Variants in CACTIN observed in about 807,000 individuals in gnomAD.
The protein encoded by CACTIN is splicing factor Cactin.
Under a neutral mutation model 84.9 loss-of-function variants are expected in CACTIN, and 20 were observed. That is an observed-to-expected ratio of 0.24 (90% CI 0.17 to 0.34). The LOEUF (loss-of-function observed/expected upper bound fraction) is 0.34, where lower values mean the gene tolerates loss of function less well. Among genes scored for constraint, CACTIN ranks in the 10% least tolerant of loss-of-function variants. The probability of loss-of-function intolerance (pLI) is 1.00; values close to 1 mark genes in which losing one functional copy is unlikely to be tolerated. For synonymous variants in CACTIN, 549 were observed against 467.9 expected (o/e 1.17, Z -2.24); for missense variants, 897 against 1,117.2 (o/e 0.80, Z 2.81).
At position 3,610,758 on chromosome 19, in the gene CACTIN, G is replaced by C. The variant is rs201281300; in HGVS notation, c.*1165C>G. ...ACAAGTCTTTTTAGAGAAACAAACGGAACTATTTCCAGATGAGGCGGGGTG... is the reference window on the plus strand; with the variant it reads ...ACAAGTCTTTTTAGAGAAACAAACGCAACTATTTCCAGATGAGGCGGGGTG... On this transcript the variant is annotated 3_prime_UTR_variant, in exon 10 of 10. Coordinates refer to ENST00000429344, the MANE Select transcript of CACTIN (RefSeq NM_001080543.2). 2.6e-5 allele frequency: 12 copies of C among 456,948 alleles called. No individual in the cohort carries two copies. The East Asian group carries it at 4.2e-4, about 16-fold the overall frequency. 28.3% of individuals were successfully genotyped at this position (456,948 alleles called of 1,614,324 possible).
rs1433832671 is a variant in CACTIN, at chr19:3,610,914, C to G, written c.*1009G>C. On this transcript the variant is annotated 3_prime_UTR_variant, in exon 10 of 10. Transcript: ENST00000429344. ...CGTCGGATGCTGAAGAACAAGCCTG[C>G]CGGCTGGGCCACTCCGACCTGGGCT... The G allele has an allele frequency of 2.2e-6, 1 of 456,648 alleles. No individual in the cohort carries two copies. Among genetic ancestry groups the G allele is most frequent in the South Asian group, 1.5e-5 (1 of 64,576 alleles). 28.3% of individuals were successfully genotyped at this position (456,648 alleles called of 1,614,324 possible).
intron 2 of CACTIN, among the ~76,000 whole-genome samples, chr19:3,621,318 G>T (rs2033220547): frequency 6.6e-6 from 1 of 152,206 alleles, no homozygotes; most frequent in Admixed American, 6.5e-5. Context: ...CGGGGCACAG[G>T]GGTGGCCACT....
rs759838454 is a variant in CACTIN, at chr19:3,620,109, G to C, written c.884+18C>G. The C allele has an allele frequency of 1.9e-6, 3 of 1,608,008 alleles. No individual in the cohort carries two copies. The highest frequency in any genetic ancestry group is 1.3e-5 in the African/African-American group (1 of 74,888). On this transcript the variant is annotated intron_variant, in intron 4 of 9. Coordinates refer to ENST00000429344, the MANE Select transcript of CACTIN (RefSeq NM_001080543.2). Reference sequence around the variant, plus strand: ...GGCTCCAAGTCTGGGTCGGAGGGAGGGGGAGGCCCCAGCGCACCGCAGCTT... The same window carrying C: ...GGCTCCAAGTCTGGGTCGGAGGGAGCGGGAGGCCCCAGCGCACCGCAGCTT...
Position 3,612,278 on chromosome 19 carries a change from C to T in CACTIN, c.1922G>A (p.Arg641His), listed in dbSNP as rs1568290119. ...CACGCGGTTGAAGAAGCGCGGCTTG[C>T]GTGGCCGGTACTTGTCGGCCCACAG... ...AYLWADKYRPRKPRFFNRVHT... is the reference protein window; with the variant it reads ...AYLWADKYRPHKPRFFNRVHT... The change falls in exon 10 of 10, where the codon CGC becomes CAC. Residue 641 changes from arginine to histidine, a missense_variant. Transcript: ENST00000429344. 2 of 1,613,066 alleles carry T rather than the reference C, an allele frequency of 1.2e-6. No homozygotes were observed. The highest frequency in any genetic ancestry group is 1.7e-6 in the Non-Finnish European group (2 of 1,179,898).
In CACTIN at chr19:3,611,344, G is replaced by A. The variant is rs2032944835; in HGVS notation, c.*579C>T. On this transcript the variant is annotated 3_prime_UTR_variant, in exon 10 of 10. Coordinates refer to ENST00000429344, the MANE Select transcript of CACTIN (RefSeq NM_001080543.2). ...TGCAGTGGCGGATCGGGCGCCAGCA[G>A]GGTCCCGGCCTCAGTGCTGCCTGTG... 1 of 453,680 alleles carries A rather than the reference G, an allele frequency of 2.2e-6. No individual in the cohort carries two copies. Among genetic ancestry groups the A allele is most frequent in the African/African-American group, 2.0e-5 (1 of 49,948 alleles). The allele number at this position is 453,680 out of a possible 1,614,324, so 28.1% of individuals were successfully genotyped here. A position where few individuals can be genotyped will look rare whatever the true frequency, so the allele number is the denominator to read the frequency against.
intron 2 of CACTIN, among the ~76,000 whole-genome samples, chr19:3,622,408 G>GT (rs1371567995): frequency 2.6e-5 from 4 of 151,702 alleles, no homozygotes; most frequent in Non-Finnish European, 4.4e-5. Context: ...GCAGACGTAG[G>GT]TAAGATGAGG....
In CACTIN at chr19:3,611,709, C is replaced by T. The variant is rs1301492081; in HGVS notation, c.*214G>A. ...GCATCAGGACCCTAGGCCAGCCTGT[C>T]CCAGTGTCTCCTCAGCTCACCATGG... On this transcript the variant is annotated 3_prime_UTR_variant, in exon 10 of 10. Transcript: ENST00000429344. 3.0e-6 allele frequency: 2 copies of T among 662,262 alleles called. No homozygotes were observed. 41.0% of individuals were successfully genotyped at this position (662,262 alleles called of 1,614,324 possible). A position where few individuals can be genotyped will look rare whatever the true frequency, so the allele number is the denominator to read the frequency against.
In CACTIN at chr19:3,613,575, C is replaced by T. The variant is rs1330496380; in HGVS notation, c.1367G>A (p.Arg456His). The T allele has an allele frequency of 1.9e-6, 3 of 1,601,050 alleles. No homozygotes were observed. Among genetic ancestry groups the T allele is most frequent in the Non-Finnish European group, 1.7e-6 (2 of 1,178,630 alleles). Residue 456 changes from arginine to histidine, a missense_variant, in exon 8 of 10, where the codon CGC becomes CAC. Physicochemically the swap from Arg to His is conservative, Grantham distance 29. Around this residue, in one of 8 missense-constraint regions of CACTIN, gnomAD observed 304 missense variants for 444.3 expected, o/e 0.68. Coordinates refer to ENST00000429344, the MANE Select transcript of CACTIN (RefSeq NM_001080543.2). ...AHMARARLRE[R>H]HQDVLRQKLY... ...CTTCTGCCGCAGCACGTCCTGGTGG[C>T]GCTCACGCAGCCTGGGACGCAGAGC...
In CACTIN at chr19:3,626,755, C is replaced by T. The variant is rs868054668; in HGVS notation, c.8G>A (p.Arg3Gln). ...GGACCGCGAGCGCGAGCGTGTGTCC[C>T]GACCCATCGGCTGGGCCAGTGGCCG... is the stretch of plus-strand genomic sequence containing the variant. Reference protein sequence around the residue: MGRDTRSRSRSAG... With the variant: MGQDTRSRSRSAG... The change falls in exon 1 of 10, where the codon CGG becomes CAG. Residue 3 changes from arginine (R) to glutamine (Q), a missense_variant. Arg to Gln is a conservative substitution (Grantham distance 43, BLOSUM62 1). Around this residue, in one of 8 missense-constraint regions of CACTIN, gnomAD observed 261 missense variants for 243.8 expected, o/e 1.07. Transcript: ENST00000429344. 2 of 1,445,218 alleles carry T rather than the reference C, an allele frequency of 1.4e-6. No individual in the cohort carries two copies. Among genetic ancestry groups the T allele is most frequent in the Non-Finnish European group, 1.8e-6 (2 of 1,102,738 alleles). 89.5% of individuals were successfully genotyped at this position (1,445,218 alleles called of 1,614,324 possible).
At chr19:3,614,746 G>T in intron 6 of CACTIN, 157 bp from the exon 7 acceptor site, 1 of 654,986 alleles carries the variant, frequency 1.5e-6, no homozygotes, top group Non-Finnish European at 2.7e-6. Context: ...GTCTCAGGTT[G>T]TCCCCACCCT....
Position 3,613,514 on chromosome 19 carries a change from G to A in CACTIN, c.1428C>T (p.Ser476=). Residue 476 remains serine, a synonymous_variant, in exon 8 of 10, where the codon AGC becomes AGT. Transcript: ENST00000429344. ...YKLKQEQGVE[S]EPLFPILKQE... is the part of the protein sequence containing the mutation. ...GCTTGAGGATGGGGAACAGCGGCTC[G>A]CTCTCCACGCCCTGCTCCTGCTTCA... 1 of 1,585,660 alleles carries A rather than the reference G, an allele frequency of 6.3e-7. No individual in the cohort carries two copies.
rs1334315028 is a variant in CACTIN, at chr19:3,611,813, G to A, written c.*110C>T. 5 of 1,372,610 alleles carry A rather than the reference G, an allele frequency of 3.6e-6. No homozygotes were observed. The highest frequency in any genetic ancestry group is 2.0e-5 in the Admixed American group (1 of 50,940). 85.0% of individuals were successfully genotyped at this position (1,372,610 alleles called of 1,614,324 possible). A position where few individuals can be genotyped will look rare whatever the true frequency, so the allele number is the denominator to read the frequency against. ...AGAAAGATGCGGCCTGAGGTGGGAC[G>A]TGAACCCGCGGCCCTGCAGCCCAGA... On this transcript the variant is annotated 3_prime_UTR_variant, in exon 10 of 10. Coordinates refer to ENST00000429344, the MANE Select transcript of CACTIN (RefSeq NM_001080543.2).
chr19:3,621,534 G>A (rs535010376), intron 2 of CACTIN, among the ~76,000 whole-genome samples: 3 of 152,304 alleles, frequency 2.0e-5, no homozygotes, highest in South Asian at 2.1e-4. Flanking sequence ...CCAGACACCC[G>A]GGCCACTCTG....
rs1186167329 is a variant in CACTIN at position 3,626,731 on chromosome 19, G to C, written c.32C>G (p.Ser11Cys). 1 of 1,492,026 alleles carries C rather than the reference G, an allele frequency of 6.7e-7. No homozygotes were observed. The highest frequency in any genetic ancestry group is 1.5e-5 in the African/African-American group (1 of 68,822). The allele number at this position is 1,492,026 out of a possible 1,614,324, so 92.4% of individuals were successfully genotyped here. MGRDTRSRSR[S>C]AGRRGRRRQS... Reference sequence around the variant, plus strand: ...CCGCCTTCGGCCCCGGCGACCCGCGGACCGCGAGCGCGAGCGTGTGTCCCG... The same window carrying C: ...CCGCCTTCGGCCCCGGCGACCCGCGCACCGCGAGCGCGAGCGTGTGTCCCG... The change falls in exon 1 of 10, where the codon TCC becomes TGC. Residue 11 changes from serine (S) to cysteine (C), a missense_variant. By Grantham distance (112) the Ser-to-Cys change is moderately radical (BLOSUM62 -1). Coordinates refer to ENST00000429344, the MANE Select transcript of CACTIN (RefSeq NM_001080543.2).
At chr19:3,612,781 T>C in intron 9 of CACTIN, 2 of 701,364 alleles carry the variant, frequency 2.9e-6, no homozygotes, top group Non-Finnish European at 5.2e-6. Flanking sequence ...CTCCTCTGTC[T>C]TAGGACGGAG....
At chr19:3,621,001 G>A (rs2033212411) in intron 2 of CACTIN, 199 bp from the exon 3 acceptor site, 2 of 688,800 alleles carry the variant, frequency 2.9e-6, no homozygotes, top group Admixed American at 2.0e-5. Context: ...AGCCCCCACT[G>A]GGAGTGAGAT....
At chr19:3,626,446 A>C in intron 1 of CACTIN, 150 bp downstream of exon 1, 1 of 944,426 alleles carries the variant, frequency 1.1e-6, no homozygotes, top group Non-Finnish European at 1.4e-6. Flanking sequence ...CTGCCAGGTT[A>C]ATTCCAACCG....
rs764421225 is a variant in CACTIN at position 3,613,083 on chromosome 19, G to A, written c.1761C>T (p.Leu587=). 52 of 1,584,004 alleles carry A rather than the reference G, an allele frequency of 3.3e-5. No homozygotes were observed. The highest frequency in any genetic ancestry group is 3.8e-5 in the Non-Finnish European group (44 of 1,170,276). Reference sequence around the variant, plus strand: ...CCGTGACCTGGAGCTGCTGGCGCGAGAGCTGCAGGCGCTGCAGGTCCTCAT... The same window carrying A: ...CCGTGACCTGGAGCTGCTGGCGCGAAAGCTGCAGGCGCTGCAGGTCCTCAT... ...EPDEDLQRLQ[L]SRQQLQVTGD... The change falls in exon 9 of 10, where the codon CTC becomes CTT. Residue 587 remains leucine (L), a synonymous_variant. Coordinates refer to ENST00000429344, the MANE Select transcript of CACTIN (RefSeq NM_001080543.2).
rs1175285762 is a variant in CACTIN, at chr19:3,612,136, C to T, written c.2064G>A (p.Lys688=). ...FNIFYPDLID[K]RSTPEYFLEA... is the part of the protein sequence containing the mutation. ...CCAGGAAGTACTCGGGCGTGGAGCGCTTGTCGATGAGGTCGGGGTAGAAGA... is the reference window on the plus strand; with the variant it reads ...CCAGGAAGTACTCGGGCGTGGAGCGTTTGTCGATGAGGTCGGGGTAGAAGA... The change falls in exon 10 of 10, where the codon AAG becomes AAA. Residue 688 remains lysine (K), a synonymous_variant. Transcript: ENST00000429344. 1 of 1,613,782 alleles carries T rather than the reference C, an allele frequency of 6.2e-7. No homozygotes were observed.
Sources: allele counts gnomAD v4.1 joint callset (sites outside exome capture counted in the v4.1 genomes callset), GRCh38; gene constraint gnomAD v4.1.1; regional missense constraint gnomAD v4.1.1; transcripts MANE v1.5; gene names NCBI Gene and HGNC (gene_info 2026-07-23, HGNC 2026-07-21).